PTPN2: variants seen among roughly 807,000 people sequenced by gnomAD.
The protein encoded by PTPN2 is tyrosine-protein phosphatase non-receptor type 2.
Under a neutral mutation model 57.3 loss-of-function variants are expected in PTPN2, and 19 were observed. The ratio of observed to expected loss-of-function variants is 0.33; its 90% CI spans 0.23 to 0.49. The LOEUF is 0.49. Ranked by LOEUF, PTPN2 falls within the 20% of genes least tolerant of loss-of-function variation. PTPN2 has a pLI of 0.99. For missense variants in PTPN2, 358 were observed against 501.1 expected (o/e 0.71, Z 2.73); for synonymous variants, 153 against 164.9 (o/e 0.93, Z 0.55).
At chr18:12,786,033 G>A (rs17656142) in intron 9 of PTPN2, 70,341 of 567,492 alleles carry the variant, frequency 0.12, 5,063 homozygotes, top group African/African-American at 0.16. Context: ...TGGGGTGCTG[G>A]ATTTCCAAAC....
At chr18:12,827,746 A>ATT (rs2042529191) in intron 4 of PTPN2, among the ~76,000 whole-genome samples, 1 of 152,130 alleles carries the variant, frequency 6.6e-6, no homozygotes, top group Non-Finnish European at 1.5e-5. Flanking sequence ...ATTAAAGAGA[A>ATT]CGTGACAAAT....
chr18:12,808,186 C>T (rs969443448), intron 7 of PTPN2, among the ~76,000 whole-genome samples: 3 of 151,640 alleles, frequency 2.0e-5, no homozygotes, highest in Non-Finnish European at 4.4e-5. Context: ...GACCCTATCT[C>T]GAAAAAAATT....
intron 4 of PTPN2, among the ~76,000 whole-genome samples, chr18:12,827,375 C>T (rs1157855813): frequency 7.0e-6 from 1 of 143,128 alleles, no homozygotes; most frequent in Non-Finnish European, 1.5e-5. Context: ...AATAATAATG[C>T]CTTAAGAGGA....
intron 1 of PTPN2, among the ~76,000 whole-genome samples, chr18:12,870,342 CATATATATGTGTATATATAT>C (rs2044170824): frequency 1.5e-4 from 5 of 32,696 alleles, no homozygotes; most frequent in African/African-American, 4.0e-4. Flanking sequence ...TATATATATA[CATATATATGTGTATATATAT>C]GTGTATATAT....
At chr18:12,834,530 T>TA (rs1410273739) in intron 3 of PTPN2, among the ~76,000 whole-genome samples, 18 of 152,186 alleles carry the variant, frequency 1.2e-4, no homozygotes, top group African/African-American at 4.3e-4. Context: ...ATAGGGTTTT[T>TA]ATGAAAGTCT....
chr18:12,865,436 A>AT (rs1370427464), intron 1 of PTPN2, among the ~76,000 whole-genome samples: 3 of 144,618 alleles, frequency 2.1e-5, no homozygotes, highest in Non-Finnish European at 3.0e-5. Flanking sequence ...CTCTGTCTTT[A>AT]TTAAAAAAAA....
intron 7 of PTPN2, among the ~76,000 whole-genome samples, chr18:12,804,119 G>T (rs1170554140): frequency 6.6e-6 from 1 of 151,910 alleles, no homozygotes; most frequent in Non-Finnish European, 1.5e-5. Context: ...GGCCAACATG[G>T]TGAAATGCCA....
At chr18:12,803,044 A>G (rs962863371) in intron 7 of PTPN2, among the ~76,000 whole-genome samples, 1 of 152,228 alleles carries the variant, frequency 6.6e-6, no homozygotes, top group African/African-American at 2.4e-5. Context: ...TGGTAACTAC[A>G]GCTACAAGTT....
intron 5 of PTPN2, chr18:12,819,243 A>G: frequency 6.9e-7 from 1 of 1,456,832 alleles, no homozygotes; most frequent in Non-Finnish European, 9.1e-7. Flanking sequence ...TCCAGCATTA[A>G]TAATTTCAAA....
chr18:12,857,001 C>A (rs2043610975), intron 2 of PTPN2, among the ~76,000 whole-genome samples: 1 of 133,718 alleles, frequency 7.5e-6, no homozygotes, highest in Non-Finnish European at 1.5e-5. Flanking sequence ...CAGGGGTTTG[C>A]AGTAAGCCAA....
chr18:12,842,211 G>T (rs914582412), intron 2 of PTPN2, among the ~76,000 whole-genome samples: 1 of 152,078 alleles, frequency 6.6e-6, no homozygotes, highest in Non-Finnish European at 1.5e-5. Flanking sequence ...CAGCAGTATT[G>T]CACCATTTTC....
intron 8 of PTPN2, among the ~76,000 whole-genome samples, chr18:12,800,298 A>G (rs1157871246): frequency 3.3e-5 from 5 of 152,194 alleles, no homozygotes; most frequent in Non-Finnish European, 7.3e-5. Context: ...CTGAAATACT[A>G]AGAATGCCAT....
chr18:12,849,210 C>T (rs756974515), intron 2 of PTPN2, among the ~76,000 whole-genome samples: 9 of 152,140 alleles, frequency 5.9e-5, no homozygotes, highest in Non-Finnish European at 1.2e-4. Context: ...ATAATCTTTC[C>T]ACACTTATTG....
chr18:12,810,037 C>T (rs553701289), intron 7 of PTPN2, among the ~76,000 whole-genome samples: 8 of 152,206 alleles, frequency 5.3e-5, no homozygotes, highest in Non-Finnish European at 1.5e-5. Context: ...CAAAAATTAG[C>T]TGGGTGTGGT....
chr18:12,855,886 G>A (rs966062993), intron 2 of PTPN2, among the ~76,000 whole-genome samples: 1 of 152,216 alleles, frequency 6.6e-6, no homozygotes, highest in African/African-American at 2.4e-5. Context: ...AAAGTAATAT[G>A]CTTCACTACA....
At chr18:12,850,992 G>A (rs1418330789) in intron 2 of PTPN2, among the ~76,000 whole-genome samples, 4 of 152,032 alleles carry the variant, frequency 2.6e-5, no homozygotes, top group African/African-American at 4.8e-5. Context: ...CACCCACCTA[G>A]GCCTCCCAAA....
intron 1 of PTPN2, among the ~76,000 whole-genome samples, chr18:12,869,928 T>G (rs1053982452): frequency 2.0e-5 from 3 of 152,168 alleles, no homozygotes; most frequent in Non-Finnish European, 4.4e-5. Context: ...CTTGCATACT[T>G]TGAAACACCA....
chr18:12,844,016 A>G (rs963512407), intron 2 of PTPN2: 7 of 152,308 alleles, frequency 4.6e-5, no homozygotes, highest in African/African-American at 9.6e-5. Flanking sequence ...CATTTCAAGA[A>G]TGTTATATAA....
chr18:12,848,529 T>C (rs1417712702), intron 2 of PTPN2, among the ~76,000 whole-genome samples: 1 of 152,248 alleles, frequency 6.6e-6, no homozygotes, highest in African/African-American at 2.4e-5. Context: ...TGCCTTGCTC[T>C]CTAAGAATGC....
Sources: allele counts gnomAD v4.1 joint callset (sites outside exome capture counted in the v4.1 genomes callset), GRCh38; gene constraint gnomAD v4.1.1; transcripts MANE v1.5; gene names NCBI Gene and HGNC (gene_info 2026-07-23, HGNC 2026-07-21).